The following SPINT2 variants were observed in gnomAD, a reference collection of about 807,000 sequenced individuals.
SPINT2 encodes the protein serine peptidase inhibitor, Kunitz type 2.
In SPINT2, 18 loss-of-function variants were observed where a neutral mutation model predicts 30.1. That is an observed-to-expected ratio of 0.60 (90% confidence interval 0.41 to 0.89). The LOEUF (loss-of-function observed/expected upper bound fraction) is 0.89, where lower values mean the gene tolerates loss of function less well. SPINT2 is among the 40% of genes least tolerant of loss of function. The pLI, the probability that SPINT2 is intolerant of heterozygous loss-of-function variation, is 0.00. For synonymous variants in SPINT2, 139 were observed against 137.9 expected (o/e 1.01, Z -0.05); for missense variants, 276 against 334.3 (o/e 0.83, Z 1.36).
rs1191997812 is a variant in SPINT2 at position 38,264,756 on chromosome 19, C to T, written c.-137C>T. On this transcript the variant is annotated 5_prime_UTR_variant, in exon 1 of 7. Coordinates refer to ENST00000301244, the MANE Select transcript of SPINT2 (RefSeq NM_021102.4). Reference sequence around the variant, plus strand: ...AAGGCGACTTCCGGGGGCTTTGGCACCTGGCGGACCCTCCCGGAGCGTCGG... The same window carrying T: ...AAGGCGACTTCCGGGGGCTTTGGCATCTGGCGGACCCTCCCGGAGCGTCGG... 2.2e-6 allele frequency: 2 copies of T among 909,948 alleles called. No homozygotes were observed. Among genetic ancestry groups the T allele is most frequent in the South Asian group, 1.6e-5 (1 of 62,438 alleles). The allele number at this position is 909,948 out of a possible 1,614,324, so 56.4% of individuals were successfully genotyped here. A position where few individuals can be genotyped will look rare whatever the true frequency, so the allele number is the denominator to read the frequency against.
chr19:38,267,689 G>A (rs778022572), intron 1 of SPINT2, among the ~76,000 whole-genome samples: 11 of 151,982 alleles, frequency 7.2e-5, no homozygotes, highest in Middle Eastern at 3.4e-3. Context: ...GGAGGTCTTG[G>A]GACCTAGAGG....
rs1005711555 is a variant in SPINT2 at position 38,266,667 on chromosome 19, C to G, written c.106+1669C>G. Among the ~76,000 whole-genome samples the G allele has an allele frequency of 8.3e-5, 11 of 131,956 alleles. No individual in the cohort carries two copies. In the Admixed American group the frequency reaches 8.6e-4, roughly 10 times the overall value. The allele number at this position is 131,956 out of a possible 152,430, so 86.6% of individuals were successfully genotyped here. A position where few individuals can be genotyped will look rare whatever the true frequency, so the allele number is the denominator to read the frequency against. On this transcript the variant is annotated intron_variant, in intron 1 of 6. Coordinates refer to ENST00000301244, the MANE Select transcript of SPINT2 (RefSeq NM_021102.4). ...CAGCAGCCTGGGCGACACAGCAAGA[C>G]TCAGTCTCAAAAAAAAAAAAAAGAG...
In SPINT2 at chr19:38,290,381, G is replaced by C; in HGVS notation, c.553+101G>C. 3.2e-6 allele frequency: 5 copies of C among 1,577,546 alleles called. No individual in the cohort carries two copies. The highest frequency in any genetic ancestry group is 4.3e-6 in the Non-Finnish European group (5 of 1,161,782). Reference sequence around the variant, plus strand: ...AAGGCCTTGGAAATGCTGTTCTTGGGCCCACCAGGGCAGCAAGGCCTCTAA... The same window carrying C: ...AAGGCCTTGGAAATGCTGTTCTTGGCCCCACCAGGGCAGCAAGGCCTCTAA... On this transcript the variant is annotated intron_variant, in intron 5 of 6. Coordinates refer to ENST00000301244, the MANE Select transcript of SPINT2 (RefSeq NM_021102.4). The surrounding 1 kb of genome is among the most constrained non-coding windows in gnomAD (Gnocchi z 4.3).
intron 1 of SPINT2, among the ~76,000 whole-genome samples, chr19:38,267,659 A>G (rs1600330558): frequency 7.2e-6 from 1 of 139,396 alleles, no homozygotes; most frequent in Non-Finnish European, 1.6e-5. Context: ...CGGGGGGGCG[A>G]GGGTGGGAGG....
intron 3 of SPINT2, 171 bp from the exon 4 acceptor site, chr19:38,288,967 T>G: frequency 1.5e-6 from 1 of 663,904 alleles, no homozygotes; most frequent in Non-Finnish European, 2.7e-6. Flanking sequence ...AGTGTGTGCG[T>G]AGAGCCCATT....
intron 1 of SPINT2, among the ~76,000 whole-genome samples, chr19:38,265,976 C>T (rs779229870): frequency 2.6e-5 from 4 of 152,110 alleles, no homozygotes; most frequent in South Asian, 2.1e-4. Context: ...TGAAGTACAC[C>T]AACAGGGTGA....
At chr19:38,276,571 G>T (rs796326890) in intron 1 of SPINT2, among the ~76,000 whole-genome samples, 3 of 152,080 alleles carry the variant, frequency 2.0e-5, no homozygotes, top group African/African-American at 7.2e-5. Flanking sequence ...GAACCCAGGA[G>T]GCGGAGCTTT....
intron 4 of SPINT2, chr19:38,289,546 G>A (rs1169719996): frequency 4.5e-6 from 1 of 223,880 alleles, no homozygotes; most frequent in Non-Finnish European, 8.8e-6. Context: ...GGCAAAACAT[G>A]TATTCTTAGT....
intron 4 of SPINT2, 54 bp downstream of exon 4, chr19:38,289,245 T>C (rs1396942109): frequency 6.6e-7 from 1 of 1,504,366 alleles, no homozygotes; most frequent in Non-Finnish European, 9.2e-7. Flanking sequence ...TCCCAGCGCT[T>C]TGGGAGGCTG....
At chr19:38,291,560 A>G (rs1048698032) in intron 6 of SPINT2, 9 of 424,016 alleles carry the variant, frequency 2.1e-5, no homozygotes, top group Non-Finnish European at 3.9e-5. Context: ...TTGGGTTTTT[A>G]GTTCAAAAAG....
At position 38,290,533 on chromosome 19, in the gene SPINT2, C is replaced by T. The variant is rs1332004234; in HGVS notation, c.554-4C>T. On this transcript the variant is annotated splice_region_variant and splice_polypyrimidine_tract_variant and intron_variant, in intron 5 of 6. Coordinates refer to ENST00000301244, the MANE Select transcript of SPINT2 (RefSeq NM_021102.4). The surrounding 1 kb of genome is among the most constrained non-coding windows in gnomAD (Gnocchi z 4.3). ...CTGACCTCAGGCTGTGTGTTCTCTT[C>T]CAGGCCAGCAGGAGAATCCTCCCCT... 1.2e-6 allele frequency: 2 copies of T among 1,614,020 alleles called. No individual in the cohort carries two copies. Among genetic ancestry groups the T allele is most frequent in the South Asian group, 1.1e-5 (1 of 91,086 alleles).
At chr19:38,287,611 G>A (rs1332002873) in intron 2 of SPINT2, among the ~76,000 whole-genome samples, 2 of 152,216 alleles carry the variant, frequency 1.3e-5, no homozygotes, top group East Asian at 1.9e-4. Flanking sequence ...ACAGCCATGA[G>A]CCACCACACC....
chr19:38,274,340 C>G (rs1968492179), intron 1 of SPINT2, among the ~76,000 whole-genome samples: 1 of 151,416 alleles, frequency 6.6e-6, no homozygotes, highest in Non-Finnish European at 1.5e-5. Flanking sequence ...AGATGGAGTT[C>G]TTTGAAACTC....
chr19:38,273,701 C>T (rs140074734), intron 1 of SPINT2, among the ~76,000 whole-genome samples: 107 of 152,258 alleles, frequency 7.0e-4, no homozygotes, highest in Non-Finnish European at 1.4e-3. Context: ...GACTTTGACC[C>T]GTGTGGTGGT....
In SPINT2 at chr19:38,283,816, G is replaced by C; in HGVS notation, c.277+19G>C. 1 of 1,558,722 alleles carries C rather than the reference G, an allele frequency of 6.4e-7. No homozygotes were observed. The highest frequency in any genetic ancestry group is 8.8e-7 in the Non-Finnish European group (1 of 1,136,700). ...GTCACAGGTGAGATGGCAGTAGTTG[G>C]AGCTTTTGTTTTTTTCCTTTTTTTT... On this transcript the variant is annotated intron_variant, in intron 2 of 6. Transcript: ENST00000301244.
intron 1 of SPINT2, among the ~76,000 whole-genome samples, chr19:38,271,318 C>T (rs1289855359): frequency 2.7e-5 from 4 of 150,904 alleles, no homozygotes; most frequent in South Asian, 2.1e-4. Flanking sequence ...GGTGAAAACC[C>T]GTTTCTACTA....
At chr19:38,287,359 C>T (rs558798123) in intron 2 of SPINT2, among the ~76,000 whole-genome samples, 6 of 152,202 alleles carry the variant, frequency 3.9e-5, no homozygotes, top group Admixed American at 6.5e-5. Context: ...CCACCACACC[C>T]GGCTAATTTT....
chr19:38,289,913 C>T (rs1968694328), intron 4 of SPINT2: 3 of 631,622 alleles, frequency 4.7e-6, no homozygotes, highest in South Asian at 3.7e-5. Flanking sequence ...AGAGAGCAGC[C>T]TTCAAAGCTC....
At chr19:38,269,428 CAG>C (rs1968421991) in intron 1 of SPINT2, among the ~76,000 whole-genome samples, 4 of 103,662 alleles carry the variant, frequency 3.9e-5, no homozygotes, top group African/African-American at 7.9e-5. Context: ...TTTTTTGAGA[CAG>C]AGTCTTGCTG....
Sources: gnomAD v4.1 joint callset for allele counts (sites outside exome capture counted in the v4.1 genomes callset) on GRCh38, gnomAD v4.1.1 for gene constraint, Gnocchi (gnomAD v3.1) non-coding constraint, MANE v1.5 for transcripts, NCBI Gene and HGNC (gene_info 2026-07-23, HGNC 2026-07-21) for gene names.